Variants in GALNT2 observed in about 807,000 individuals in gnomAD.
The protein encoded by GALNT2 is polypeptide N-acetylgalactosaminyltransferase 2.
GALNT2 carries 31 observed loss-of-function variants against 81.4 expected under a neutral mutation model. The observed-to-expected ratio is 0.38, with a 90% CI of 0.29 to 0.51. The LOEUF (loss-of-function observed/expected upper bound fraction) is 0.51. Ranked by LOEUF, GALNT2 falls within the 20% of genes least tolerant of loss-of-function variation. GALNT2 has a pLI of 0.87. For missense variants in GALNT2, 629 were observed against 765.7 expected, an observed-to-expected ratio of 0.82 and a Z score of 2.11; for synonymous variants, 303 against 287.4, an observed-to-expected ratio of 1.05 and a Z score of -0.55.
intron 2 of GALNT2, among the ~76,000 whole-genome samples, chr1:230,195,640 C>G (rs2102700493): frequency 6.6e-6 from 1 of 152,182 alleles, no homozygotes; most frequent in Admixed American, 6.5e-5. Flanking sequence ...AGTAAGAGTT[C>G]CCAGGTACAC....
chr1:230,280,127 A>G lies in GALNT2; in HGVS notation c.*669A>G. On this transcript the variant is annotated 3_prime_UTR_variant, in exon 16 of 16. Coordinates refer to ENST00000366672, the MANE Select transcript of GALNT2 (RefSeq NM_004481.5). ...TTTCTGTAGATCATCGTCATCTTGT[A>G]TATTCCCCACAAAGCCGTTCGCAGC... 4.9e-6 allele frequency: 2 copies of G among 408,898 alleles called. No individual in the cohort carries two copies. The highest frequency in any genetic ancestry group is 9.9e-6 in the Non-Finnish European group (2 of 202,262). 25.3% of individuals were successfully genotyped at this position (408,898 alleles called of 1,614,324 possible).
chr1:230,228,720 G>C (rs148591245), intron 3 of GALNT2, among the ~76,000 whole-genome samples: 1 of 151,810 alleles, frequency 6.6e-6, no homozygotes, highest in African/African-American at 2.4e-5. Flanking sequence ...ATGGCTCCTC[G>C]GGCATGTTGC....
At position 230,222,031 on chromosome 1, in the gene GALNT2, C is replaced by CTTTTTTTTTTTTTT. The variant is rs564681409; in HGVS notation, c.375-13970_375-13969insTTTTTTTTTTTTTT. On this transcript the variant is annotated intron_variant, in intron 3 of 15. Coordinates refer to ENST00000366672, the MANE Select transcript of GALNT2 (RefSeq NM_004481.5). ...TTTATATACATTTCACTGCTTTTCTCTTTTTTTTTTTTTGAGACAGAGTCT... is the reference window on the plus strand; with the variant it reads ...TTTATATACATTTCACTGCTTTTCTCTTTTTTTTTTTTTTTTTTTTTTTTTTTGAGACAGAGTCT... Among the ~76,000 whole-genome samples the CTTTTTTTTTTTTTT allele has an allele frequency of 1.1e-4, 11 of 96,118 alleles. 1 individual carries two copies. The highest frequency in any genetic ancestry group is 2.6e-4 in the African/African-American group (5 of 19,556). The allele number at this position is 96,118 out of a possible 152,430, so 63.1% of individuals were successfully genotyped here.
chr1:230,262,241 T>C (rs1355273701), intron 11 of GALNT2: 1 of 257,180 alleles, frequency 3.9e-6, no homozygotes, highest in Non-Finnish European at 7.4e-6. Context: ...AGTAACTTTC[T>C]TTTGTCCTTC....
At position 230,236,010 on chromosome 1, in the gene GALNT2, G is replaced by A. The variant is rs527380779; in HGVS notation, c.375-4G>A. The A allele has an allele frequency of 1.3e-5, 21 of 1,613,846 alleles. No homozygotes were observed. In the South Asian group the frequency reaches 2.0e-4, roughly 15 times the overall value. On this transcript the variant is annotated splice_polypyrimidine_tract_variant and splice_region_variant and intron_variant, in intron 3 of 15. Transcript: ENST00000366672. ...TTCAGAGGACCATCTTTCTCTTCCT[G>A]CAGGTGTCAGCGGAAGCAGTGGCGG...
chr1:230,264,496 C>T (rs1665974017), intron 13 of GALNT2: 1 of 152,426 alleles, frequency 6.6e-6, no homozygotes, highest in Non-Finnish European at 1.5e-5. Context: ...GAGCACCATC[C>T]TGGCTGGCAA....
intron 3 of GALNT2, among the ~76,000 whole-genome samples, chr1:230,216,897 T>C (rs527976559): frequency 2.8e-4 from 42 of 152,340 alleles, no homozygotes; most frequent in African/African-American, 9.9e-4. Context: ...TCCACACCTC[T>C]TTGGAAATTC....
rs2102741708 is a variant in GALNT2 at position 230,243,321 on chromosome 1, G to A, written c.623G>A (p.Arg208Gln). The change falls in exon 7 of 16, where the codon CGG becomes CAG. Residue 208 changes from arginine to glutamine, a missense_variant. This residue lies in a region of GALNT2 where 360 missense variants were observed against 492.8 expected (regional missense o/e 0.73). Coordinates refer to ENST00000366672, the MANE Select transcript of GALNT2 (RefSeq NM_004481.5). The surrounding 1 kb of genome is among the most constrained non-coding windows in gnomAD (Gnocchi z 4.2). ...NDRREGLMRS[R>Q]VRGADAAQAK... is the part of the protein sequence containing the mutation. ...GCCTCTGCAGGCCTCATGCGCTCAC[G>A]GGTTCGGGGGGCCGATGCTGCCCAA... 6 of 1,606,886 alleles carry A rather than the reference G, an allele frequency of 3.7e-6. No individual in the cohort carries two copies. The highest frequency in any genetic ancestry group is 1.3e-5 in the African/African-American group (1 of 74,974).
intron 14 of GALNT2, among the ~76,000 whole-genome samples, chr1:230,272,213 G>A: frequency 6.6e-6 from 1 of 152,230 alleles, no homozygotes; most frequent in East Asian, 1.9e-4. Context: ...GTGGGTGCTT[G>A]GAAGAGCTGG....
Position 230,105,505 on chromosome 1 carries a change from A to G in GALNT2, c.126+38099A>G, listed in dbSNP as rs117543181. On this transcript the variant is annotated intron_variant, in intron 1 of 15. Coordinates refer to ENST00000366672, the MANE Select transcript of GALNT2 (RefSeq NM_004481.5). ...TGTTTTTCTTCCTGAGTGGCACACA[A>G]AATTAATGGTGCTCCCTAGAGTTGA... 6.7e-3 allele frequency among the ~76,000 whole-genome samples: 1,016 copies of G among 152,308 alleles called. 8 individuals are homozygous for G. The highest frequency in any genetic ancestry group is 0.021 in the African/African-American group (867 of 41,546).
intron 3 of GALNT2, among the ~76,000 whole-genome samples, chr1:230,232,077 G>C (rs1664881956): frequency 6.6e-6 from 1 of 152,146 alleles, no homozygotes; most frequent in African/African-American, 2.4e-5. Context: ...AGACTGGTTG[G>C]CAGGGATATG....
chr1:230,236,839 C>T (rs67854351), intron 6 of GALNT2, 114 bp downstream of exon 6: 11,832 of 1,039,470 alleles, frequency 0.011, 101 homozygotes, highest in Middle Eastern at 0.025. Context: ...TTTTCTGTCT[C>T]CCTCTACCAG....
chr1:230,221,945 G>C (rs1017053159), intron 3 of GALNT2, among the ~76,000 whole-genome samples: 1 of 150,584 alleles, frequency 6.6e-6, no homozygotes, highest in Non-Finnish European at 1.5e-5. Flanking sequence ...CCAGTGATGT[G>C]TCTCTGGTTT....
At position 230,078,443 on chromosome 1, in the gene GALNT2, A is replaced by G. The variant is rs372913952; in HGVS notation, c.126+11037A>G. Among the ~76,000 whole-genome samples the G allele has an allele frequency of 3.9e-5, 6 of 152,302 alleles. No individual in the cohort carries two copies. In the East Asian group the frequency reaches 9.6e-4, roughly 24 times the overall value. ...GCATAAATTAAAGAAGCAGCTGAAAACTAGTATTTTTGTAAAAAGCAGCTC... is the reference window on the plus strand; with the variant it reads ...GCATAAATTAAAGAAGCAGCTGAAAGCTAGTATTTTTGTAAAAAGCAGCTC... On this transcript the variant is annotated intron_variant, in intron 1 of 15. Coordinates refer to ENST00000366672, the MANE Select transcript of GALNT2 (RefSeq NM_004481.5).
At chr1:230,210,751 A>G (rs948230020) in intron 3 of GALNT2, among the ~76,000 whole-genome samples, 54 of 152,090 alleles carry the variant, frequency 3.6e-4, no homozygotes, top group African/African-American at 1.3e-3. Flanking sequence ...GTATTCTTTT[A>G]TTTATTTTTT....
chr1:230,101,308 A>T (rs1268175302), intron 1 of GALNT2, among the ~76,000 whole-genome samples: 1 of 152,192 alleles, frequency 6.6e-6, no homozygotes, highest in Non-Finnish European at 1.5e-5. Flanking sequence ...CTTTTTCCAT[A>T]AATGTTAAAC....
rs115759053 is a variant in GALNT2, at chr1:230,278,093, G to A, written c.1561-1210G>A. ...CAAACATTAGAGATTTTTAAAGGGG[G>A]ATTTTTCTGTTTTTCTTTCTTTTTT... On this transcript the variant is annotated intron_variant, in intron 15 of 15. Transcript: ENST00000366672. Among the ~76,000 whole-genome samples the A allele has an allele frequency of 7.8e-3, 1,178 of 150,116 alleles. 5 individuals are homozygous for A. The highest frequency in any genetic ancestry group is 0.014 in the Non-Finnish European group (915 of 67,628).
intron 1 of GALNT2, among the ~76,000 whole-genome samples, chr1:230,095,923 C>T (rs546021755): frequency 1.3e-5 from 2 of 152,298 alleles, no homozygotes; most frequent in African/African-American, 2.4e-5. Flanking sequence ...GAGCCCCAGC[C>T]GCGAGGCACC....
intron 8 of GALNT2, 76 bp downstream of exon 8, chr1:230,246,226 T>C: frequency 8.9e-7 from 1 of 1,121,994 alleles, no homozygotes; most frequent in East Asian, 2.4e-5. Flanking sequence ...CCTCTCATTG[T>C]CAGGAGTGAC....
Sources: allele counts gnomAD v4.1 joint callset (sites outside exome capture counted in the v4.1 genomes callset), GRCh38; gene constraint gnomAD v4.1.1; regional missense constraint gnomAD v4.1.1; non-coding constraint Gnocchi (gnomAD v3.1); transcripts MANE v1.5; gene names NCBI Gene and HGNC (gene_info 2026-07-23, HGNC 2026-07-21).